The following PPIL4 variants were observed in gnomAD, a reference collection of about 807,000 sequenced individuals.
PPIL4 encodes peptidylprolyl isomerase like 4, also known as peptidyl-prolyl cis-trans isomerase-like 4.
In PPIL4, 50 loss-of-function variants were observed where a neutral mutation model predicts 69.1. The observed-to-expected ratio is 0.72, with a 90% confidence interval of 0.58 to 0.92. The LOEUF (loss-of-function observed/expected upper bound fraction) is 0.92. Ranked by LOEUF, PPIL4 falls within the 40% of genes least tolerant of loss-of-function variation. PPIL4 has a pLI of 0.00. For synonymous variants in PPIL4, 193 were observed against 191.6 expected (o/e 1.01, Z -0.06); for missense variants, 480 against 587.9 (o/e 0.82, Z 1.90).
chr6:149,511,397 TTGTGTGTGTG>T (rs375170478), intron 12 of PPIL4, among the ~76,000 whole-genome samples: 2 of 147,618 alleles, frequency 1.4e-5, no homozygotes, highest in South Asian at 2.2e-4. Flanking sequence ...GCCTGGCCAA[TTGTGTGTGTG>T]TGTGTGTGTG....
At chr6:149,543,788 T>C (rs1470541133) in intron 1 of PPIL4, among the ~76,000 whole-genome samples, 1 of 152,234 alleles carries the variant, frequency 6.6e-6, no homozygotes, top group Admixed American at 6.5e-5. Context: ...GGGGGTATTA[T>C]AAATGAAGCA....
chr6:149,523,884 T>G (rs1413370794), intron 9 of PPIL4, among the ~76,000 whole-genome samples: 1 of 152,190 alleles, frequency 6.6e-6, no homozygotes, highest in Non-Finnish European at 1.5e-5. Context: ...GGTAAAGGTC[T>G]TTCTGCTGGC....
chr6:149,541,178 TA>T (rs1777354333), intron 3 of PPIL4, 119 bp from the exon 4 acceptor site: 2 of 609,298 alleles, frequency 3.3e-6, no homozygotes, highest in Non-Finnish European at 5.2e-6. Flanking sequence ...TTCAAAATAT[TA>T]CTTTTTTTTT....
intron 9 of PPIL4, among the ~76,000 whole-genome samples, chr6:149,521,827 C>T (rs1017692253): frequency 6.6e-6 from 1 of 152,154 alleles, no homozygotes; most frequent in African/African-American, 2.4e-5. Context: ...AACTGTGAGA[C>T]TGTAATACCA....
intron 11 of PPIL4, among the ~76,000 whole-genome samples, chr6:149,513,412 A>AATATATATATATATATATATATATAT (rs1200919281): frequency 1.8e-5 from 1 of 55,328 alleles, no homozygotes; most frequent in African/African-American, 7.6e-5. Flanking sequence ...AAAAAAAAAA[A>AATATATATATATATATATATATATAT]ATATATATAT....
intron 11 of PPIL4, 135 bp from the exon 12 acceptor site, chr6:149,512,437 T>G: frequency 1.9e-6 from 1 of 539,612 alleles, no homozygotes; most frequent in Admixed American, 3.3e-5. Context: ...TATAGTACAT[T>G]TCTAAAACAA....
chr6:149,506,139 A>G (rs1776766984), intron 12 of PPIL4, among the ~76,000 whole-genome samples: 1 of 152,198 alleles, frequency 6.6e-6, no homozygotes. Context: ...ATATCATTGA[A>G]ATAACTTAGC....
chr6:149,512,130 A>G lies in PPIL4; in HGVS notation c.1227+25T>C, dbSNP rs114868889. 2.4e-3 allele frequency: 3,799 copies of G among 1,552,194 alleles called. 85 individuals are homozygous for G. The African/African-American group carries it at 0.045, about 19-fold the overall frequency. On this transcript the variant is annotated intron_variant, in intron 12 of 12. Transcript: ENST00000253329. ...AGGGATAAAATATTTATTTCTCCAC[A>G]TCTAAGTCTGGACATTAGAGGTACC...
chr6:149,526,472 G>A (rs1777109112), intron 8 of PPIL4, among the ~76,000 whole-genome samples, 180 bp downstream of exon 8: 1 of 152,026 alleles, frequency 6.6e-6, no homozygotes, highest in South Asian at 2.1e-4. Flanking sequence ...GTGCACGTAT[G>A]TATGTATGTC....
At chr6:149,515,158 GA>G (rs1217316315) in intron 11 of PPIL4, among the ~76,000 whole-genome samples, 12 of 108,262 alleles carry the variant, frequency 1.1e-4, no homozygotes, top group South Asian at 2.8e-4. Flanking sequence ...TTTTTTTTAA[GA>G]AAAAAAAAAT....
At chr6:149,517,150 T>A (rs758308627) in intron 11 of PPIL4, 50 of 405,394 alleles carry the variant, frequency 1.2e-4, no homozygotes, top group Admixed American at 1.1e-3. Flanking sequence ...ACTTTCTCCA[T>A]ACACTAGAGT....
intron 4 of PPIL4, among the ~76,000 whole-genome samples, chr6:149,540,152 T>C (rs990317657): frequency 2.6e-5 from 4 of 151,772 alleles, no homozygotes; most frequent in Non-Finnish European, 4.4e-5. Flanking sequence ...TAAAATAAAA[T>C]AAAACAAAAT....
At chr6:149,533,306 C>T (rs1777226263) in intron 7 of PPIL4, 152 bp downstream of exon 7, 1 of 557,102 alleles carries the variant, frequency 1.8e-6, no homozygotes. Flanking sequence ...ACAGTAGAGC[C>T]AATTTATTAC....
intron 9 of PPIL4, among the ~76,000 whole-genome samples, chr6:149,522,409 A>T (rs1777042055): frequency 6.6e-6 from 1 of 152,228 alleles, no homozygotes; most frequent in African/African-American, 2.4e-5. Context: ...GACATTTATA[A>T]ACCTATAGTG....
intron 11 of PPIL4, among the ~76,000 whole-genome samples, chr6:149,515,773 C>T (rs1218900912): frequency 6.6e-6 from 1 of 152,154 alleles, no homozygotes; most frequent in African/African-American, 2.4e-5. Context: ...GACATCAAAT[C>T]CCTCTCCCTT....
chr6:149,531,914 C>T (rs1225073879), intron 7 of PPIL4, among the ~76,000 whole-genome samples: 1 of 152,104 alleles, frequency 6.6e-6, no homozygotes, highest in African/African-American at 2.4e-5. Flanking sequence ...GTGATCCACC[C>T]GCCTCGGCCT....
intron 1 of PPIL4, among the ~76,000 whole-genome samples, chr6:149,542,835 G>T (rs1258550860): frequency 1.3e-5 from 2 of 152,116 alleles, no homozygotes; most frequent in Non-Finnish European, 2.9e-5. Flanking sequence ...AAATGTTTTA[G>T]GGGAGGTCCA....
In PPIL4 at chr6:149,533,513, A is replaced by G; in HGVS notation, c.623T>C (p.Val208Ala). 1.2e-6 allele frequency: 2 copies of G among 1,612,660 alleles called. No individual in the cohort carries two copies. Among genetic ancestry groups the G allele is most frequent in the Non-Finnish European group, 1.7e-6 (2 of 1,179,022 alleles). ...CTCTTTTTCTGCCTTTATTTCTTCT[A>G]CTTCCTCAGCTGATCTTCCTTTGAA... ...DDFKGRSAEE[V>A]EEIKAEKEAK... is the part of the protein sequence containing the mutation. The change falls in exon 7 of 13, where the codon GTA (valine) becomes GCA (alanine). Residue 208 changes from valine (V) to alanine (A), a missense_variant. Physicochemically the swap from Val to Ala is moderately conservative, Grantham distance 64. Transcript: ENST00000253329.
chr6:149,543,655 T>C (rs1028220035), intron 1 of PPIL4, among the ~76,000 whole-genome samples: 5 of 152,184 alleles, frequency 3.3e-5, no homozygotes, highest in African/African-American at 1.2e-4. Context: ...TTTTCTTTTT[T>C]AACCTGTCAC....
Sources: gnomAD v4.1 joint callset for allele counts (sites outside exome capture counted in the v4.1 genomes callset) on GRCh38, gnomAD v4.1.1 for gene constraint, MANE v1.5 for transcripts, NCBI Gene and HGNC (gene_info 2026-07-23, HGNC 2026-07-21) for gene names.